Variants in IL1RAPL2 observed in about 807,000 individuals in gnomAD.
IL1RAPL2 encodes the protein interleukin 1 receptor accessory protein like 2.
A neutral mutation model predicts 44.1 loss-of-function variants in IL1RAPL2; 3 were observed. That is an observed-to-expected ratio of 0.07 (90% CI 0.03 to 0.18). IL1RAPL2 has a LOEUF of 0.18. Among genes scored for constraint, IL1RAPL2 ranks in the 10% least tolerant of loss-of-function variants. IL1RAPL2 has a pLI of 1.00. For missense variants in IL1RAPL2, 391 were observed against 496.4 expected (o/e 0.79, Z 2.02); for synonymous variants, 181 against 178.8 (o/e 1.01, Z -0.10).
At chrX:104,749,786 A>G (rs1225349730) in intron 2 of IL1RAPL2, among the ~76,000 whole-genome samples, 3 of 111,872 alleles carry the variant, frequency 2.7e-5, no homozygotes, top group East Asian at 5.7e-4. Flanking sequence ...ATTTATTTCA[A>G]TGGGTGAATA....
chrX:104,586,572 A>G (rs1036273460), intron 1 of IL1RAPL2, among the ~76,000 whole-genome samples: 10 of 112,030 alleles, frequency 8.9e-5, no homozygotes, highest in African/African-American at 1.3e-4. Context: ...ACCAAACTAA[A>G]CTGCTACTTG....
intron 5 of IL1RAPL2, among the ~76,000 whole-genome samples, chrX:105,317,311 G>A (rs1310438175): frequency 1.8e-5 from 2 of 111,917 alleles, no homozygotes; most frequent in African/African-American, 6.5e-5. Flanking sequence ...GATGAGGTTT[G>A]CAAATATGAA....
chrX:105,326,461 G>C (rs2034939512), intron 5 of IL1RAPL2, among the ~76,000 whole-genome samples: 1 of 111,057 alleles, frequency 9.0e-6, no homozygotes, highest in Admixed American at 9.6e-5. Flanking sequence ...GCGTGTTGTT[G>C]TCTTACCTAC....
chrX:104,775,305 A>C (rs1277685266), intron 2 of IL1RAPL2, among the ~76,000 whole-genome samples: 1 of 112,225 alleles, frequency 8.9e-6, no homozygotes, highest in Non-Finnish European at 1.9e-5. Flanking sequence ...AGATGATCAA[A>C]TAATCAGTGG....
chrX:105,429,423 A>G (rs1602408418), intron 5 of IL1RAPL2, among the ~76,000 whole-genome samples: 1 of 112,181 alleles, frequency 8.9e-6, no homozygotes, highest in Admixed American at 9.5e-5. Context: ...TGGTGACATT[A>G]AACAGTGGTT....
chrX:105,530,877 A>G (rs2036630246), intron 6 of IL1RAPL2, among the ~76,000 whole-genome samples: 1 of 110,823 alleles, frequency 9.0e-6, no homozygotes, highest in Admixed American at 9.7e-5. Context: ...TAACATAATG[A>G]TATTCAGTTC....
intron 2 of IL1RAPL2, among the ~76,000 whole-genome samples, chrX:105,104,165 A>G (rs1602956064): frequency 1.8e-5 from 2 of 111,286 alleles, no homozygotes; most frequent in South Asian, 3.8e-4. Flanking sequence ...TGAGCCCCAG[A>G]CCAGCTATAG....
Position 104,783,092 on chromosome X carries a change from A to G in IL1RAPL2, c.82+124097A>G, listed in dbSNP as rs781583300. Among the ~76,000 whole-genome samples, 3 of 112,362 alleles carry G rather than the reference A, an allele frequency of 2.7e-5. No individual in the cohort carries two copies. The South Asian group carries it at 1.1e-3, about 42-fold the overall frequency. ...TTAAGGGAATTTTTAAAAGCCACCC[A>G]AAGAATTGGATTGTGGAGGAAATCA... On this transcript the variant is annotated intron_variant, in intron 2 of 10. Coordinates refer to ENST00000372582, the MANE Select transcript of IL1RAPL2 (RefSeq NM_017416.2).
intron 2 of IL1RAPL2, among the ~76,000 whole-genome samples, chrX:105,177,233 C>T (rs1313702915): frequency 9.1e-6 from 1 of 110,043 alleles, no homozygotes; most frequent in Non-Finnish European, 1.9e-5. Context: ...GAGCACAAAC[C>T]CTGTTGTGAA....
At chrX:104,885,836 CTCA>C (rs1923224309) in intron 2 of IL1RAPL2, among the ~76,000 whole-genome samples, 1 of 112,936 alleles carries the variant, frequency 8.9e-6, no homozygotes, top group Non-Finnish European at 1.9e-5. Flanking sequence ...AAGCCACCCT[CTCA>C]TCCATGTCTG....
intron 1 of IL1RAPL2, among the ~76,000 whole-genome samples, chrX:104,651,167 C>A (rs1338449480): frequency 8.9e-6 from 1 of 111,832 alleles, no homozygotes; most frequent in Admixed American, 9.6e-5. Context: ...ACTTTATATG[C>A]TCACTTTTTC....
At chrX:104,805,453 A>G (rs1932915894) in intron 2 of IL1RAPL2, among the ~76,000 whole-genome samples, 1 of 111,973 alleles carries the variant, frequency 8.9e-6, no homozygotes, top group Non-Finnish European at 1.9e-5. Flanking sequence ...CCAAGAACCT[A>G]CCTTAGAATT....
intron 2 of IL1RAPL2, among the ~76,000 whole-genome samples, chrX:104,841,606 T>A (rs1384691207): frequency 2.7e-5 from 3 of 111,954 alleles, no homozygotes; most frequent in Admixed American, 9.5e-5. Flanking sequence ...TCCCTCAGCA[T>A]TTGCTTGTCT....
intron 2 of IL1RAPL2, among the ~76,000 whole-genome samples, chrX:105,090,869 T>C (rs143541844): frequency 0.017 from 1,953 of 111,859 alleles, 47 homozygotes; most frequent in African/African-American, 0.06. Flanking sequence ...AAGTTCCTAA[T>C]CAGCCATTAA....
chrX:105,341,186 G>A (rs112957097), intron 5 of IL1RAPL2, among the ~76,000 whole-genome samples: 6,828 of 111,107 alleles, frequency 0.061, 505 homozygotes, highest in African/African-American at 0.21. Flanking sequence ...GAAATTGTAA[G>A]TGCTTGTTCA....
At chrX:105,713,641 C>A (rs772503944) in intron 6 of IL1RAPL2, among the ~76,000 whole-genome samples, 21 of 111,271 alleles carry the variant, frequency 1.9e-4, no homozygotes, top group Non-Finnish European at 3.4e-4. Context: ...ATGGAGGATA[C>A]CCCAGGCCTG....
At chrX:105,338,122 AT>A (rs760245937) in intron 5 of IL1RAPL2, among the ~76,000 whole-genome samples, 4 of 111,977 alleles carry the variant, frequency 3.6e-5, no homozygotes, top group African/African-American at 1.3e-4. Flanking sequence ...TTTGTTATCT[AT>A]TTAAAGATTA....
At chrX:105,639,333 C>A (rs1602498459) in intron 6 of IL1RAPL2, among the ~76,000 whole-genome samples, 1 of 111,694 alleles carries the variant, frequency 9.0e-6, no homozygotes, top group African/African-American at 3.3e-5. Flanking sequence ...TTGCATGGGA[C>A]ACAACCTGCT....
At chrX:105,034,593 C>T (rs1188362512) in intron 2 of IL1RAPL2, among the ~76,000 whole-genome samples, 2 of 111,747 alleles carry the variant, frequency 1.8e-5, no homozygotes, top group Non-Finnish European at 3.8e-5. Context: ...CCTGATTGTT[C>T]CTCTGGAGGT....
Sources: gnomAD v4.1 joint callset for allele counts (sites outside exome capture counted in the v4.1 genomes callset) on GRCh38, gnomAD v4.1.1 for gene constraint, MANE v1.5 for transcripts, NCBI Gene and HGNC (gene_info 2026-07-23, HGNC 2026-07-21) for gene names.